Variants in NCKAP1 observed in about 807,000 individuals in gnomAD.
NCKAP1 encodes nck-associated protein 1.
NCKAP1 carries 21 observed loss-of-function variants against 151.2 expected under a neutral mutation model. That is an observed-to-expected ratio of 0.14 (90% CI 0.10 to 0.20). The LOEUF (loss-of-function observed/expected upper bound fraction) is 0.20. NCKAP1 is among the 10% of genes least tolerant of loss of function. The probability of loss-of-function intolerance (pLI) is 1.00; values close to 1 mark genes in which losing one functional copy is unlikely to be tolerated. For synonymous variants in NCKAP1, 484 were observed against 451.8 expected, an observed-to-expected ratio of 1.07 and a Z score of -0.90; for missense variants, 933 against 1,352.1, an observed-to-expected ratio of 0.69 and a Z score of 4.86.
rs1696461615 is a variant in NCKAP1, at chr2:182,916,057, C to T, written c.*9645G>A. 1 of 151,440 alleles carries T rather than the reference C, an allele frequency of 6.6e-6. No individual in the cohort carries two copies. Among genetic ancestry groups the T allele is most frequent in the Non-Finnish European group, 1.5e-5 (1 of 67,870 alleles). The allele number at this position is 151,440 out of a possible 1,614,324, so 9.4% of individuals were successfully genotyped here. On this transcript the variant is annotated 3_prime_UTR_variant, in exon 31 of 31. Coordinates refer to ENST00000361354, the MANE Select transcript of NCKAP1 (RefSeq NM_013436.5). ...AGAAACCATGTCTTCGGGGCAGTTTCCTCTCCCTCCCCGTCTCCCTGCTCC... is the reference window on the plus strand; with the variant it reads ...AGAAACCATGTCTTCGGGGCAGTTTTCTCTCCCTCCCCGTCTCCCTGCTCC...
intron 6 of NCKAP1, 44 bp downstream of exon 6, chr2:183,001,909 T>C (rs1698381319): frequency 6.6e-7 from 1 of 1,508,598 alleles, no homozygotes; most frequent in African/African-American, 1.4e-5. Flanking sequence ...CCTCATGCTA[T>C]GTTATATGCC....
At chr2:182,931,783 T>C (rs761417938) in intron 26 of NCKAP1, among the ~76,000 whole-genome samples, 2 of 151,986 alleles carry the variant, frequency 1.3e-5, no homozygotes, top group African/African-American at 2.4e-5. Flanking sequence ...AACTCACAAA[T>C]AGAAAAAGAC....
At chr2:183,032,779 G>C (rs1270392395) in intron 1 of NCKAP1, among the ~76,000 whole-genome samples, 2 of 152,146 alleles carry the variant, frequency 1.3e-5, no homozygotes, top group African/African-American at 4.8e-5. Context: ...AGGTGCGGTA[G>C]CTTACACCTG....
intron 23 of NCKAP1, among the ~76,000 whole-genome samples, chr2:182,944,884 C>T (rs1697068060): frequency 6.6e-6 from 1 of 152,024 alleles, no homozygotes; most frequent in Non-Finnish European, 1.5e-5. Context: ...GATGGATCAC[C>T]TGAAGCCAAG....
At chr2:182,974,179 T>A (rs1278705926) in intron 15 of NCKAP1, among the ~76,000 whole-genome samples, 1 of 151,312 alleles carries the variant, frequency 6.6e-6, no homozygotes, top group East Asian at 2.0e-4. Context: ...ACTTTTGTTC[T>A]CTACTTCTAG....
chr2:182,973,435 T>G (rs1697740358), intron 15 of NCKAP1, among the ~76,000 whole-genome samples: 1 of 151,968 alleles, frequency 6.6e-6, no homozygotes, highest in South Asian at 2.1e-4. Context: ...CACAACAGAA[T>G]GAGATCACTT....
intron 20 of NCKAP1, among the ~76,000 whole-genome samples, chr2:182,955,593 C>T (rs1451838714): frequency 1.3e-5 from 2 of 152,224 alleles, no homozygotes; most frequent in African/African-American, 4.8e-5. Context: ...TTAACAGCAA[C>T]ATGTGAATTC....
At chr2:182,943,919 T>A (rs1034368109) in intron 23 of NCKAP1, among the ~76,000 whole-genome samples, 2 of 152,204 alleles carry the variant, frequency 1.3e-5, no homozygotes, top group Non-Finnish European at 2.9e-5. Flanking sequence ...TTAAAATCCA[T>A]GTTCTTAATC....
At position 182,919,655 on chromosome 2, in the gene NCKAP1, A is replaced by AT. The variant is rs1171214205; in HGVS notation, c.*6046dup. On this transcript the variant is annotated 3_prime_UTR_variant, in exon 31 of 31. Coordinates refer to ENST00000361354, the MANE Select transcript of NCKAP1 (RefSeq NM_013436.5). ...TGCTTTTTTTTTTTAATGTATTATA[A>AT]TTTTTTTTTTTTTTGAGACAGAGTC... 2.9e-3 allele frequency: 411 copies of AT among 143,108 alleles called. 2 individuals are homozygous for AT. Among genetic ancestry groups the AT allele is most frequent in the African/African-American group, 5.5e-3 (215 of 39,244 alleles). 8.9% of individuals were successfully genotyped at this position (143,108 alleles called of 1,614,324 possible). A position where few individuals can be genotyped will look rare whatever the true frequency, so the allele number is the denominator to read the frequency against.
intron 18 of NCKAP1, among the ~76,000 whole-genome samples, chr2:182,961,956 AG>A (rs1697462709): frequency 6.6e-6 from 1 of 152,238 alleles, no homozygotes; most frequent in Admixed American, 6.5e-5. Context: ...TCCTGATTAA[AG>A]AACACAAACA....
At chr2:182,930,667 G>T in intron 27 of NCKAP1, 28 bp downstream of exon 27, 1 of 1,558,560 alleles carries the variant, frequency 6.4e-7, no homozygotes, top group Non-Finnish European at 8.8e-7. Context: ...TTAACTAAGA[G>T]TATTAAATAT....
chr2:182,960,951 A>AT (rs1275447831), intron 18 of NCKAP1, among the ~76,000 whole-genome samples: 18 of 152,254 alleles, frequency 1.2e-4, no homozygotes, highest in African/African-American at 4.3e-4. Context: ...AGAAGAAGAC[A>AT]TTTATGCAGC....
Position 182,921,463 on chromosome 2 carries a change from T to TACCC in NCKAP1, c.*4238_*4239insGGGT, listed in dbSNP as rs1442379668. On this transcript the variant is annotated 3_prime_UTR_variant, in exon 31 of 31. Transcript: ENST00000361354. ...AAGGCAATCACCAAGGTCACATACC[T>TACCC]AGTACAACCCCATCTCCAGGCCACC... 6.6e-6 allele frequency: 1 copy of TACCC among 152,340 alleles called. No individual in the cohort carries two copies. Among genetic ancestry groups the TACCC allele is most frequent in the East Asian group, 1.9e-4 (1 of 5,180 alleles). The allele number at this position is 152,340 out of a possible 1,614,324, so 9.4% of individuals were successfully genotyped here. A position where few individuals can be genotyped will look rare whatever the true frequency, so the allele number is the denominator to read the frequency against.
chr2:182,994,289 T>C (rs1277106584), intron 8 of NCKAP1, among the ~76,000 whole-genome samples: 2 of 152,136 alleles, frequency 1.3e-5, no homozygotes, highest in African/African-American at 4.8e-5. Flanking sequence ...GGTTCTTATC[T>C]TGTCTTTGTC....
rs1206710782 is a variant in NCKAP1 at position 182,913,607 on chromosome 2, A to G, written c.*12095T>C. 1 of 152,202 alleles carries G rather than the reference A, an allele frequency of 6.6e-6. No individual in the cohort carries two copies. The allele number at this position is 152,202 out of a possible 1,614,324, so 9.4% of individuals were successfully genotyped here. On this transcript the variant is annotated 3_prime_UTR_variant, in exon 31 of 31. Transcript: ENST00000361354. ...TGTACTTCCCAGCATCTAAAATGGT[A>G]AGCAATAAATTTCTTTACTTTATAA...
At chr2:182,941,968 C>G in intron 24 of NCKAP1, 102 bp downstream of exon 24, 1 of 893,718 alleles carries the variant, frequency 1.1e-6, no homozygotes, top group South Asian at 1.9e-5. Context: ...GAGTACTTTT[C>G]ATAATTTACT....
At chr2:183,002,892 A>G in intron 4 of NCKAP1, 82 bp downstream of exon 4, 1 of 965,750 alleles carries the variant, frequency 1.0e-6, no homozygotes, top group Non-Finnish European at 1.6e-6. Context: ...TAGTTACATA[A>G]TCTAGCTAAA....
chr2:182,931,724 T>C (rs1411999621), intron 26 of NCKAP1, among the ~76,000 whole-genome samples: 1 of 152,006 alleles, frequency 6.6e-6, no homozygotes, highest in Non-Finnish European at 1.5e-5. Flanking sequence ...AGAGAAAAGA[T>C]TTGCAAATCA....
At chr2:182,932,854 G>A (rs1473371564) in intron 26 of NCKAP1, among the ~76,000 whole-genome samples, 2 of 151,878 alleles carry the variant, frequency 1.3e-5, no homozygotes, top group Non-Finnish European at 2.9e-5. Flanking sequence ...TTCCACTTAG[G>A]AAATCATTTT....
Sources: gnomAD v4.1 joint callset for allele counts (sites outside exome capture counted in the v4.1 genomes callset) on GRCh38, gnomAD v4.1.1 for gene constraint, MANE v1.5 for transcripts, NCBI Gene and HGNC (gene_info 2026-07-23, HGNC 2026-07-21) for gene names.